Variants in SINHCAF observed in about 807,000 individuals in gnomAD.
The protein encoded by SINHCAF is SIN3-HDAC complex-associated factor.
Under a neutral mutation model 25.8 loss-of-function variants are expected in SINHCAF, and 3 were observed. The ratio of observed to expected loss-of-function variants is 0.12; its 90% confidence interval spans 0.05 to 0.30. The LOEUF (loss-of-function observed/expected upper bound fraction) is 0.30. SINHCAF is among the 10% of genes least tolerant of loss of function. The pLI, the probability that SINHCAF is intolerant of heterozygous loss-of-function variation, is 1.00. For synonymous variants in SINHCAF, 70 were observed against 85.5 expected, an observed-to-expected ratio of 0.82 and a Z score of 1.00; for missense variants, 121 against 262.3, an observed-to-expected ratio of 0.46 and a Z score of 3.72.
intron 5 of SINHCAF, among the ~76,000 whole-genome samples, chr12:31,285,458 A>C (rs1051547032): frequency 1.2e-4 from 8 of 67,122 alleles, no homozygotes; most frequent in South Asian, 5.1e-4. Context: ...CACACACATA[A>C]ATAAATGTTA....
chr12:31,285,446 C>CACACACAT (rs1346820114), intron 5 of SINHCAF, among the ~76,000 whole-genome samples: 1 of 151,614 alleles, frequency 6.6e-6, no homozygotes, highest in African/African-American at 2.4e-5. Context: ...CACACACACA[C>CACACACAT]ACACACACAT....
chr12:31,313,811 G>T (rs571706172), intron 1 of SINHCAF, among the ~76,000 whole-genome samples: 44 of 152,056 alleles, frequency 2.9e-4, no homozygotes, highest in South Asian at 1.2e-3. Context: ...ACCTCGCCCG[G>T]CTAATTTTTT....
chr12:31,305,695 AATTT>A (rs1314718777), intron 1 of SINHCAF, among the ~76,000 whole-genome samples: 5 of 143,450 alleles, frequency 3.5e-5, no homozygotes, highest in African/African-American at 1.3e-4. Context: ...AATATAGGCC[AATTT>A]TTTTTTTTTT....
Position 31,293,872 on chromosome 12 carries a change from T to C in SINHCAF, c.288A>G (p.Lys96=). The C allele has an allele frequency of 6.2e-7, 1 of 1,613,528 alleles. No individual in the cohort carries two copies. The highest frequency in any genetic ancestry group is 1.1e-5 in the South Asian group (1 of 91,034). ...TTTTTATCCTGTTCCCAGATAGAGT[T>C]TTCACTTTCTTTGGTTTCAATGTAG... ...LKTTLKPKKV[K]TLSGNRIKSN... Residue 96 remains lysine (K), a synonymous_variant, in exon 4 of 6, where the codon AAA becomes AAG. Coordinates refer to ENST00000337682, the MANE Select transcript of SINHCAF (RefSeq NM_001135812.2).
chr12:31,302,093 T>C (rs773199522), intron 1 of SINHCAF, among the ~76,000 whole-genome samples: 14 of 152,222 alleles, frequency 9.2e-5, no homozygotes, highest in Non-Finnish European at 1.8e-4. Context: ...TAATACTATC[T>C]GCTTTCTAAT....
At chr12:31,322,379 T>C (rs1039699365) in intron 1 of SINHCAF, among the ~76,000 whole-genome samples, 13 of 152,230 alleles carry the variant, frequency 8.5e-5, no homozygotes, top group East Asian at 7.7e-4. Flanking sequence ...GCACCTCATA[T>C]GCATTTTAAA....
intron 1 of SINHCAF, among the ~76,000 whole-genome samples, chr12:31,320,950 A>C (rs764456824): frequency 1.3e-5 from 2 of 152,230 alleles, no homozygotes; most frequent in Non-Finnish European, 2.9e-5. Flanking sequence ...TAATAGGTGG[A>C]AAACAACTAA....
intron 4 of SINHCAF, among the ~76,000 whole-genome samples, chr12:31,292,839 T>C (rs930745234): frequency 6.6e-6 from 1 of 152,196 alleles, no homozygotes; most frequent in African/African-American, 2.4e-5. Context: ...TTTTCCATTA[T>C]TCTAAAACAA....
intron 1 of SINHCAF, among the ~76,000 whole-genome samples, chr12:31,301,325 G>T (rs926632184): frequency 6.6e-6 from 1 of 152,176 alleles, no homozygotes; most frequent in Non-Finnish European, 1.5e-5. Flanking sequence ...GGGGAGAATA[G>T]GCTGATGTCT....
At chr12:31,283,169 T>C (rs1276446952) in intron 5 of SINHCAF, among the ~76,000 whole-genome samples, 1 of 151,974 alleles carries the variant, frequency 6.6e-6, no homozygotes. Context: ...TCCTCCAAAA[T>C]CACCAACTCT....
At chr12:31,298,497 A>G in intron 1 of SINHCAF, 1 of 361,068 alleles carries the variant, frequency 2.8e-6, no homozygotes, top group Non-Finnish European at 5.2e-6. Context: ...GGGGAAGAGA[A>G]GCATTTTTTA....
chr12:31,284,176 T>C (rs902106157), intron 5 of SINHCAF, among the ~76,000 whole-genome samples: 3 of 152,242 alleles, frequency 2.0e-5, no homozygotes, highest in Admixed American at 2.0e-4. Flanking sequence ...GACAGTGTTC[T>C]CATCATTCCA....
chr12:31,314,096 G>T (rs148741049), intron 1 of SINHCAF, among the ~76,000 whole-genome samples: 1 of 152,256 alleles, frequency 6.6e-6, no homozygotes, highest in East Asian at 1.9e-4. Flanking sequence ...AGAGGTTGCT[G>T]CCAGGGTAGG....
At position 31,293,943 on chromosome 12, in the gene SINHCAF, T is replaced by C. The variant is rs756787750; in HGVS notation, c.229-12A>G. On this transcript the variant is annotated splice_polypyrimidine_tract_variant and intron_variant, in intron 3 of 5. Transcript: ENST00000337682. ...CTTGCATCTACCACCTGGAAGAAAATACTGAATATTTAATAATATTTTTAA... is the reference window on the plus strand; with the variant it reads ...CTTGCATCTACCACCTGGAAGAAAACACTGAATATTTAATAATATTTTTAA... The C allele has an allele frequency of 1.9e-6, 3 of 1,580,034 alleles. No individual in the cohort carries two copies. Among genetic ancestry groups the C allele is most frequent in the East Asian group, 2.3e-5 (1 of 44,336 alleles).
At chr12:31,311,583 TG>T in intron 1 of SINHCAF, 1 of 302,440 alleles carries the variant, frequency 3.3e-6, no homozygotes, top group Non-Finnish European at 6.4e-6. Flanking sequence ...AGCCAGTGAG[TG>T]GGTCCCGCAG....
chr12:31,324,052 T>C lies in SINHCAF; in HGVS notation c.-21+1972A>G, dbSNP rs1420789955. ...TGGATTTGTTGGTAAATAAGACATCTCGCGTCGGGAGGAAAGTTCCTGCGG... is the reference window on the plus strand; with the variant it reads ...TGGATTTGTTGGTAAATAAGACATCCCGCGTCGGGAGGAAAGTTCCTGCGG... On this transcript the variant is annotated intron_variant, in intron 1 of 5. Transcript: ENST00000337682. This position sits in a 1 kb window ranked among gnomAD's most constrained non-coding sequence, Gnocchi z 5.5. 2 of 454,352 alleles carry C rather than the reference T, an allele frequency of 4.4e-6. No individual in the cohort carries two copies. Among genetic ancestry groups the C allele is most frequent in the African/African-American group, 4.0e-5 (2 of 50,022 alleles). The allele number at this position is 454,352 out of a possible 1,614,324, so 28.1% of individuals were successfully genotyped here. A position where few individuals can be genotyped will look rare whatever the true frequency, so the allele number is the denominator to read the frequency against.
At chr12:31,297,555 C>G (rs1034311342) in intron 2 of SINHCAF, among the ~76,000 whole-genome samples, 1 of 149,578 alleles carries the variant, frequency 6.7e-6, no homozygotes, top group Non-Finnish European at 1.5e-5. Context: ...TCACTACAAC[C>G]TCCGCCTCCT....
At chr12:31,293,685 C>T (rs1938429146) in intron 4 of SINHCAF, 120 bp downstream of exon 4, 2 of 801,046 alleles carry the variant, frequency 2.5e-6, no homozygotes, top group Admixed American at 6.9e-5. Context: ...TCAACGTTGC[C>T]TTCCAGTGCT....
rs1937765759 is a variant in SINHCAF, at chr12:31,280,972, G to C, written c.*1740C>G. 1 of 152,152 alleles carries C rather than the reference G, an allele frequency of 6.6e-6. No individual in the cohort carries two copies. The highest frequency in any genetic ancestry group is 2.4e-5 in the African/African-American group (1 of 41,428). The allele number at this position is 152,152 out of a possible 1,614,324, so 9.4% of individuals were successfully genotyped here. A position where few individuals can be genotyped will look rare whatever the true frequency, so the allele number is the denominator to read the frequency against. ...CACTGTATAGTCTGTGCATATGGTG[G>C]CTTGTAGCATGTAGGTTTTTTCCAA... On this transcript the variant is annotated 3_prime_UTR_variant, in exon 6 of 6. Coordinates refer to ENST00000337682, the MANE Select transcript of SINHCAF (RefSeq NM_001135812.2).
Sources: allele counts gnomAD v4.1 joint callset (sites outside exome capture counted in the v4.1 genomes callset), GRCh38; gene constraint gnomAD v4.1.1; non-coding constraint Gnocchi (gnomAD v3.1); transcripts MANE v1.5; gene names NCBI Gene and HGNC (gene_info 2026-07-23, HGNC 2026-07-21).